Variants in STARD9 observed in about 807,000 individuals in gnomAD.
STARD9 encodes the protein stAR-related lipid transfer protein 9.
STARD9 carries 346 observed loss-of-function variants against 399.8 expected under a neutral mutation model. The ratio of observed to expected loss-of-function variants is 0.87; its 90% CI spans 0.79 to 0.95. The LOEUF is 0.95. STARD9 is among the 40% of genes least tolerant of loss of function. STARD9 has a pLI of 0.00. For missense variants in STARD9, 5,832 were observed against 5,667.5 expected, an observed-to-expected ratio of 1.03 and a Z score of -0.93; for synonymous variants, 2,203 against 2,143.5, an observed-to-expected ratio of 1.03 and a Z score of -0.77.
chr15:42,692,027 G>A lies in STARD9; in HGVS notation c.10449G>A (p.Trp3483Ter). The change falls in exon 23 of 33, where the codon TGG (tryptophan) becomes TGA (stop). Residue 3483 changes from tryptophan to a stop codon, truncating the protein, a stop_gained. Coordinates refer to ENST00000290607, the MANE Select transcript of STARD9 (RefSeq NM_020759.3). LOFTEE classifies it high-confidence loss of function. Reference protein sequence around the residue: ...WRPEEPARISWKQYMSGSAVD... With the variant: ...WRPEEPARIS ...CGGAGGAGCCTGCACGTATCAGCTG[G>A]AAGCAGTATATGTCTGGCAGTGCAG... is the stretch of plus-strand genomic sequence containing the variant. 1 of 1,537,282 alleles carries A rather than the reference G, an allele frequency of 6.5e-7. No homozygotes were observed. The highest frequency in any genetic ancestry group is 8.7e-7 in the Non-Finnish European group (1 of 1,146,922).
At chr15:42,613,134 GTA>G (rs2058888224) in intron 3 of STARD9, among the ~76,000 whole-genome samples, 3 of 152,066 alleles carry the variant, frequency 2.0e-5, no homozygotes, top group African/African-American at 7.2e-5. Flanking sequence ...ATGCATTTAT[GTA>G]TATCTGTCAT....
At chr15:42,648,318 G>A (rs1348008480) in intron 7 of STARD9, among the ~76,000 whole-genome samples, 3 of 151,800 alleles carry the variant, frequency 2.0e-5, no homozygotes, top group Non-Finnish European at 2.9e-5. Flanking sequence ...ACATGCTACC[G>A]TGCCCAGCTA....
In STARD9 at chr15:42,627,043, A is replaced by G. The variant is rs188271981; in HGVS notation, c.235-7813A>G. Reference sequence around the variant, plus strand: ...AAGTGTGTACCACCGTGCTTGGCCAATTGTTTTCTGGGAGGCCAAGGTGGG... The same window carrying G: ...AAGTGTGTACCACCGTGCTTGGCCAGTTGTTTTCTGGGAGGCCAAGGTGGG... On this transcript the variant is annotated intron_variant, in intron 3 of 32. Coordinates refer to ENST00000290607, the MANE Select transcript of STARD9 (RefSeq NM_020759.3). Among the ~76,000 whole-genome samples the G allele has an allele frequency of 2.5e-3, 384 of 151,994 alleles. 10 individuals carry two copies. Among genetic ancestry groups the G allele is most frequent in the Non-Finnish European group, 5.4e-4 (37 of 67,974 alleles).
At chr15:42,596,764 A>G (rs1339280048) in intron 3 of STARD9, among the ~76,000 whole-genome samples, 1 of 152,236 alleles carries the variant, frequency 6.6e-6, no homozygotes, top group Non-Finnish European at 1.5e-5. Context: ...AAAGCAGATA[A>G]CGGCATAAAT....
At chr15:42,661,463 A>G (rs1234508289) in intron 10 of STARD9, among the ~76,000 whole-genome samples, 1 of 151,808 alleles carries the variant, frequency 6.6e-6, no homozygotes, top group Non-Finnish European at 1.5e-5. Flanking sequence ...TTTTTGAGAC[A>G]GTCTTACTCT....
Position 42,598,000 on chromosome 15 carries a change from A to ATGTGTGTGTGTG in STARD9, c.234+12393_234+12404dup, listed in dbSNP as rs572054615. Among the ~76,000 whole-genome samples the ATGTGTGTGTGTG allele has an allele frequency of 2.3e-3, 270 of 115,162 alleles. 1 individual carries two copies. The highest frequency in any genetic ancestry group is 5.4e-3 in the Middle Eastern group (1 of 186). The allele number at this position is 115,162 out of a possible 152,430, so 75.6% of individuals were successfully genotyped here. A position where few individuals can be genotyped will look rare whatever the true frequency, so the allele number is the denominator to read the frequency against. On this transcript the variant is annotated intron_variant, in intron 3 of 32. Coordinates refer to ENST00000290607, the MANE Select transcript of STARD9 (RefSeq NM_020759.3). ...TGTGTGTGTGTGTTTGTATATATAT[A>ATGTGTGTGTGTG]TGTGTGTGTGTGTGTGTGTGTGTGT...
At chr15:42,624,840 A>C (rs1391103031) in intron 3 of STARD9, among the ~76,000 whole-genome samples, 2 of 152,038 alleles carry the variant, frequency 1.3e-5, no homozygotes, top group Admixed American at 6.6e-5. Context: ...TGAGAGAATA[A>C]TTTTCATAGT....
At chr15:42,588,616 G>A (rs1454791763) in intron 3 of STARD9, among the ~76,000 whole-genome samples, 2 of 151,936 alleles carry the variant, frequency 1.3e-5, no homozygotes, top group Non-Finnish European at 2.9e-5. Context: ...TACAATCAGA[G>A]GCCCTCATTG....
chr15:42,677,089 TAAAAA>T (rs869040683), intron 20 of STARD9, among the ~76,000 whole-genome samples: 13 of 53,590 alleles, frequency 2.4e-4, no homozygotes, highest in African/African-American at 6.9e-4. Flanking sequence ...CGTCTCTACT[TAAAAA>T]AAAAAAAAAA....
chr15:42,632,690 T>C (rs1443560653), intron 3 of STARD9, among the ~76,000 whole-genome samples: 1 of 152,108 alleles, frequency 6.6e-6, no homozygotes, highest in Non-Finnish European at 1.5e-5. Context: ...ACAAATAAAC[T>C]AACAAAGAGA....
Position 42,600,393 on chromosome 15 carries a change from G to C in STARD9, c.234+14756G>C, listed in dbSNP as rs1405861923. Among the ~76,000 whole-genome samples the C allele has an allele frequency of 3.3e-5, 5 of 152,274 alleles. No homozygotes were observed. The East Asian group carries it at 9.6e-4, about 29-fold the overall frequency. On this transcript the variant is annotated intron_variant, in intron 3 of 32. Transcript: ENST00000290607. ...ACTGGATACAAGGTTATAGGTTACA[G>C]AAAAAGCATTCTTCACTCAACAAAC...
chr15:42,706,149 G>A (rs2061075917), intron 26 of STARD9, among the ~76,000 whole-genome samples: 3 of 152,154 alleles, frequency 2.0e-5, no homozygotes, highest in Admixed American at 1.3e-4. Context: ...GATTGACTTA[G>A]GGAGAAACCA....
chr15:42,645,123 G>A (rs2059621958), intron 7 of STARD9, among the ~76,000 whole-genome samples: 1 of 152,160 alleles, frequency 6.6e-6, no homozygotes, highest in Non-Finnish European at 1.5e-5. Context: ...ACCCCTCAAT[G>A]TTGATATTTT....
At chr15:42,656,098 G>A (rs1366834266) in intron 9 of STARD9, among the ~76,000 whole-genome samples, 1 of 152,114 alleles carries the variant, frequency 6.6e-6, no homozygotes, top group African/African-American at 2.4e-5. Context: ...GCTCACGCCT[G>A]TAATCCCAGC....
At position 42,668,495 on chromosome 15, in the gene STARD9, C is replaced by T. The variant is rs138234755; in HGVS notation, c.1318-663C>T. ...CCCTACATTTATCACTGTGCATGTC[C>T]CTAAAGTGGTCTTAGCTTAAGGCCT... On this transcript the variant is annotated intron_variant, in intron 15 of 32. Transcript: ENST00000290607. Among the ~76,000 whole-genome samples the T allele has an allele frequency of 1.1e-4, 17 of 152,046 alleles. No homozygotes were observed. In the East Asian group the frequency reaches 3.3e-3, roughly 29 times the overall value.
In STARD9 at chr15:42,687,662, C is replaced by T; in HGVS notation, c.6084C>T (p.Pro2028=). The T allele has an allele frequency of 6.5e-7, 1 of 1,536,982 alleles. No homozygotes were observed. The highest frequency in any genetic ancestry group is 8.7e-7 in the Non-Finnish European group (1 of 1,146,806). The change falls in exon 23 of 33, where the codon CCC becomes CCT. Residue 2028 remains proline, a synonymous_variant. Coordinates refer to ENST00000290607, the MANE Select transcript of STARD9 (RefSeq NM_020759.3). ...GCAAGTCACAAGAAATGTTAAATCCCAACAGAGAACCTTCTGGAAAGAAAC... is the reference window on the plus strand; with the variant it reads ...GCAAGTCACAAGAAATGTTAAATCCTAACAGAGAACCTTCTGGAAAGAAAC... ...SECKSQEMLN[P]NREPSGKKQN... is the part of the protein sequence containing the mutation.
At chr15:42,695,118 T>C (rs1179701571) in intron 24 of STARD9, 22 bp from the exon 25 acceptor site, 2 of 1,508,800 alleles carry the variant, frequency 1.3e-6, no homozygotes, top group Non-Finnish European at 1.8e-6. Context: ...CCATGTTCTT[T>C]CCACCCCGTG....
Position 42,616,810 on chromosome 15 carries a change from G to A in STARD9, c.235-18046G>A, listed in dbSNP as rs185003255. 1.2e-3 allele frequency among the ~76,000 whole-genome samples: 186 copies of A among 148,872 alleles called. 2 individuals are homozygous for A. The highest frequency in any genetic ancestry group is 4.0e-3 in the African/African-American group (162 of 40,150). On this transcript the variant is annotated intron_variant, in intron 3 of 32. Coordinates refer to ENST00000290607, the MANE Select transcript of STARD9 (RefSeq NM_020759.3). ...GGAGGCTGAGGCAGGAGAATGGCAC[G>A]AACCCAGGAGGCAGAGGTTGCAGTG...
At chr15:42,626,319 T>C (rs2059212686) in intron 3 of STARD9, among the ~76,000 whole-genome samples, 1 of 150,502 alleles carries the variant, frequency 6.6e-6, no homozygotes. Flanking sequence ...CTCTTCCTCT[T>C]CTTCCTCCTC....
Sources: allele counts gnomAD v4.1 joint callset (sites outside exome capture counted in the v4.1 genomes callset), GRCh38; gene constraint gnomAD v4.1.1; transcripts MANE v1.5; gene names NCBI Gene and HGNC (gene_info 2026-07-23, HGNC 2026-07-21).